The following SPOCK3 variants were observed in gnomAD, a reference collection of about 807,000 sequenced individuals.
The protein encoded by SPOCK3 is testican-3.
A neutral mutation model predicts 56.6 loss-of-function variants in SPOCK3; 30 were observed. The ratio of observed to expected loss-of-function variants is 0.53; its 90% CI spans 0.40 to 0.72. SPOCK3 has a LOEUF of 0.72. Among genes scored for constraint, SPOCK3 ranks in the 30% least tolerant of loss-of-function variants. The pLI is 0.00. For missense variants in SPOCK3, 527 were observed against 530.0 expected (o/e 0.99, Z 0.06); for synonymous variants, 196 against 183.3 (o/e 1.07, Z -0.56).
chr4:167,022,911 GT>G (rs1165253605), intron 3 of SPOCK3, among the ~76,000 whole-genome samples: 1 of 151,900 alleles, frequency 6.6e-6, no homozygotes, highest in Non-Finnish European at 1.5e-5. Flanking sequence ...AGATTTTTTT[GT>G]TCCACATAAA....
chr4:167,123,907 G>A (rs990079298), intron 2 of SPOCK3, among the ~76,000 whole-genome samples: 1 of 151,766 alleles, frequency 6.6e-6, no homozygotes, highest in African/African-American at 2.4e-5. Flanking sequence ...TGCCACGCCT[G>A]GCTAATTTTT....
chr4:166,789,269 A>T (rs900758714), intron 7 of SPOCK3, among the ~76,000 whole-genome samples: 4 of 152,014 alleles, frequency 2.6e-5, no homozygotes, highest in African/African-American at 7.2e-5. Context: ...GTCTCTACTA[A>T]AAATACAAAA....
At chr4:166,939,996 C>CA (rs1740869070) in intron 4 of SPOCK3, among the ~76,000 whole-genome samples, 1 of 151,746 alleles carries the variant, frequency 6.6e-6, no homozygotes, top group South Asian at 2.1e-4. Context: ...TTTAATGATT[C>CA]AAAAAAATAA....
At position 166,737,471 on chromosome 4, in the gene SPOCK3, A is replaced by G. The variant is rs34665704; in HGVS notation, c.1128T>C (p.Asp376=). The G allele has an allele frequency of 0.018, 29,490 of 1,612,234 alleles. 362 individuals are homozygous for G. The highest frequency in any genetic ancestry group is 0.022 in the Non-Finnish European group (25,577 of 1,179,084). Residue 376 remains aspartate (D), a synonymous_variant, in exon 10 of 11, where the codon GAT becomes GAC. Coordinates refer to ENST00000357545, the MANE Select transcript of SPOCK3 (RefSeq NM_001040159.2). ...ATAAGTAACCCTTCTCCTTACCACA[A>G]TCTGCAACACCATTTATTCTGGATC... is the stretch of plus-strand genomic sequence containing the variant. The part of the protein sequence containing the change: ...VMGSRINGVA[D]CAIDFEISGD...
chr4:167,231,979 A>G (rs1737221381), intron 2 of SPOCK3, among the ~76,000 whole-genome samples: 4 of 152,176 alleles, frequency 2.6e-5, no homozygotes, highest in Admixed American at 2.6e-4. Flanking sequence ...TTTGCATAAA[A>G]TGTATCAGTA....
chr4:166,764,244 G>A (rs1374834678), intron 7 of SPOCK3, among the ~76,000 whole-genome samples: 1 of 152,014 alleles, frequency 6.6e-6, no homozygotes, highest in Non-Finnish European at 1.5e-5. Flanking sequence ...ACAACGTGCA[G>A]GTTTGTTACA....
intron 2 of SPOCK3, among the ~76,000 whole-genome samples, chr4:167,176,188 A>T (rs928377447): frequency 1.3e-5 from 2 of 152,050 alleles, no homozygotes; most frequent in Non-Finnish European, 2.9e-5. Flanking sequence ...TTGTGATTAC[A>T]TTGGGCCACA....
At chr4:167,230,286 A>G (rs1340559809) in intron 2 of SPOCK3, among the ~76,000 whole-genome samples, 1 of 151,964 alleles carries the variant, frequency 6.6e-6, no homozygotes, top group Non-Finnish European at 1.5e-5. Context: ...ACTATAAAAT[A>G]TAAATATTTG....
chr4:166,822,616 A>G (rs1445462381), intron 6 of SPOCK3, among the ~76,000 whole-genome samples: 1 of 152,042 alleles, frequency 6.6e-6, no homozygotes, highest in African/African-American at 2.4e-5. Context: ...TTTCAAAGGC[A>G]CTATTGCACT....
rs1273708419 is a variant in SPOCK3, at chr4:166,962,538, T to C, written c.350+37811A>G. Among the ~76,000 whole-genome samples the C allele has an allele frequency of 3.9e-5, 6 of 152,216 alleles. No individual in the cohort carries two copies. In the South Asian group the frequency reaches 1.2e-3, roughly 32 times the overall value. ...TAGTTAACAAGAATGCCATTTGCAA[T>C]GAAATATTTTAGAGAGGACAGATGT... On this transcript the variant is annotated intron_variant, in intron 4 of 10. Transcript: ENST00000357545.
chr4:166,937,665 A>T (rs1360781650), intron 4 of SPOCK3, among the ~76,000 whole-genome samples: 1 of 149,816 alleles, frequency 6.7e-6, no homozygotes, highest in Non-Finnish European at 1.5e-5. Flanking sequence ...ACAGCTGGAG[A>T]GATAATTGGA....
intron 5 of SPOCK3, among the ~76,000 whole-genome samples, chr4:166,904,834 C>T (rs527893156): frequency 1.1e-4 from 16 of 152,018 alleles, no homozygotes; most frequent in Non-Finnish European, 2.1e-4. Context: ...TCTCCCATCA[C>T]CTCCTGTATT....
rs112539665 is a variant in SPOCK3, at chr4:166,946,089, T to C, written c.351-33346A>G. Reference sequence around the variant, plus strand: ...GGACCATGAATAACTACGATAACCATAGGCCCTGTTTATCTGGGACATTCT... The same window carrying C: ...GGACCATGAATAACTACGATAACCACAGGCCCTGTTTATCTGGGACATTCT... On this transcript the variant is annotated intron_variant, in intron 4 of 10. Transcript: ENST00000357545. Among the ~76,000 whole-genome samples, 1,203 of 152,270 alleles carry C rather than the reference T, an allele frequency of 7.9e-3. 7 individuals carry two copies. The highest frequency in any genetic ancestry group is 0.011 in the Non-Finnish European group (782 of 68,008).
At chr4:166,976,371 T>C (rs1438744349) in intron 4 of SPOCK3, among the ~76,000 whole-genome samples, 1 of 152,190 alleles carries the variant, frequency 6.6e-6, no homozygotes, top group Non-Finnish European at 1.5e-5. Flanking sequence ...ATAACTGCAA[T>C]TGATTTGCAT....
At chr4:167,139,827 GT>G (rs1172705450) in intron 2 of SPOCK3, among the ~76,000 whole-genome samples, 2 of 151,946 alleles carry the variant, frequency 1.3e-5, no homozygotes, top group Non-Finnish European at 2.9e-5. Context: ...TAACTTAGCT[GT>G]GGTAATTACC....
chr4:166,791,260 A>G (rs1339659794), intron 7 of SPOCK3, among the ~76,000 whole-genome samples: 2 of 152,220 alleles, frequency 1.3e-5, no homozygotes, highest in Admixed American at 6.5e-5. Flanking sequence ...TGTGAAAAAA[A>G]TAAATAAGGC....
chr4:166,908,476 A>G (rs1352879042), intron 5 of SPOCK3, among the ~76,000 whole-genome samples: 1 of 146,992 alleles, frequency 6.8e-6, no homozygotes, highest in Non-Finnish European at 1.5e-5. Flanking sequence ...GGATTTGAAA[A>G]CTGCAGTCTA....
At chr4:166,929,513 A>T (rs893649118) in intron 4 of SPOCK3, among the ~76,000 whole-genome samples, 2 of 151,562 alleles carry the variant, frequency 1.3e-5, no homozygotes, top group Non-Finnish European at 3.0e-5. Context: ...TTTCAGGGGG[A>T]TTAACTCCAA....
chr4:167,189,643 T>C (rs2110835355), intron 2 of SPOCK3, among the ~76,000 whole-genome samples: 1 of 145,370 alleles, frequency 6.9e-6, no homozygotes, highest in East Asian at 2.1e-4. Flanking sequence ...GTGATTACAC[T>C]TAAGATCTAC....
Sources: allele counts gnomAD v4.1 joint callset (sites outside exome capture counted in the v4.1 genomes callset), GRCh38; gene constraint gnomAD v4.1.1; transcripts MANE v1.5; gene names NCBI Gene and HGNC (gene_info 2026-07-23, HGNC 2026-07-21).